The following SHROOM4 variants were observed in gnomAD, a reference collection of about 807,000 sequenced individuals.
SHROOM4 encodes protein Shroom4.
A neutral mutation model predicts 80.3 loss-of-function variants in SHROOM4; 17 were observed. The observed-to-expected ratio is 0.21, with a 90% CI of 0.14 to 0.32. The LOEUF is 0.32. Among genes scored for constraint, SHROOM4 ranks in the 10% least tolerant of loss-of-function variants. SHROOM4 has a pLI of 1.00. For synonymous variants in SHROOM4, 400 were observed against 437.5 expected, an observed-to-expected ratio of 0.91 and a Z score of 1.07; for missense variants, 993 against 1,140.3, an observed-to-expected ratio of 0.87 and a Z score of 1.86.
In SHROOM4 at chrX:50,633,532, C is replaced by T. The variant is rs782395031; in HGVS notation, c.2541G>A (p.Met847Ile). Residue 847 changes from methionine (M) to isoleucine (I), a missense_variant, in exon 4 of 9, where the codon ATG (methionine) becomes ATA (isoleucine). Coordinates refer to ENST00000376020, the MANE Select transcript of SHROOM4 (RefSeq NM_020717.5). ...YHATDQSYHS[M>I]SPLQSETPTY... ...TGGGAGTTTCTGACTGAAGGGGTGA[C>T]ATGGAATGATATGATTGGTCTGTGG... The T allele has an allele frequency of 8.3e-7, 1 of 1,209,475 alleles. No homozygotes were observed. Among genetic ancestry groups the T allele is most frequent in the African/African-American group, 1.8e-5 (1 of 56,940 alleles).
chrX:50,704,785 G>A (rs1278888310), intron 1 of SHROOM4, among the ~76,000 whole-genome samples: 1 of 110,670 alleles, frequency 9.0e-6, no homozygotes, highest in Non-Finnish European at 1.9e-5. Context: ...AGGGAGAGGG[G>A]GTTTGTTTTC....
At chrX:50,604,520 T>A (rs1381280900) in intron 6 of SHROOM4, among the ~76,000 whole-genome samples, 1 of 111,945 alleles carries the variant, frequency 8.9e-6, no homozygotes, top group Non-Finnish European at 1.9e-5. Context: ...GGAGTATATC[T>A]ATGTTAGCAG....
intron 1 of SHROOM4, among the ~76,000 whole-genome samples, chrX:50,751,424 T>C (rs1557268039): frequency 1.8e-5 from 2 of 112,252 alleles, no homozygotes; most frequent in Non-Finnish European, 3.8e-5. Context: ...AAATGGTGTT[T>C]CTCTATCACT....
chrX:50,628,115 G>T (rs1930885227), intron 4 of SHROOM4, among the ~76,000 whole-genome samples: 1 of 111,719 alleles, frequency 9.0e-6, no homozygotes, highest in African/African-American at 3.3e-5. Context: ...ACCCTTGAGG[G>T]GGGCTTTGAG....
chrX:50,771,734 A>C (rs782284069), intron 1 of SHROOM4, among the ~76,000 whole-genome samples: 2 of 112,486 alleles, frequency 1.8e-5, no homozygotes, highest in Non-Finnish European at 3.8e-5. Context: ...TTTTCTATAA[A>C]TATCTCTTAG....
chrX:50,786,677 A>T (rs782412553), intron 1 of SHROOM4, among the ~76,000 whole-genome samples: 1 of 111,775 alleles, frequency 8.9e-6, no homozygotes, highest in East Asian at 2.8e-4. Context: ...GTATAAGGCT[A>T]GGCCATGAAG....
intron 1 of SHROOM4, among the ~76,000 whole-genome samples, chrX:50,737,663 C>A (rs1175979931): frequency 1.8e-5 from 2 of 110,987 alleles, no homozygotes; most frequent in African/African-American, 6.6e-5. Flanking sequence ...CAATAACAGG[C>A]TCTGAAATTG....
At chrX:50,712,864 G>A (rs782603069) in intron 1 of SHROOM4, among the ~76,000 whole-genome samples, 1 of 111,321 alleles carries the variant, frequency 9.0e-6, no homozygotes, top group Non-Finnish European at 1.9e-5. Flanking sequence ...TCCCCTTGAT[G>A]CGTATCCCAT....
chrX:50,580,220 T>C, the SHROOM4 span, among the ~76,000 whole-genome samples: 145 of 112,096 alleles, frequency 1.3e-3, no homozygotes, highest in Non-Finnish European at 2.1e-3. Flanking sequence ...CCGACTTGAG[T>C]GTACATCAGA....
At chrX:50,583,730 T>C (rs1176291252), downstream of SHROOM4, among the ~76,000 whole-genome samples, 1 of 111,095 alleles carries the variant, frequency 9.0e-6, no homozygotes, top group Admixed American at 9.6e-5. Context: ...AGCAGTGCCC[T>C]CAGCTCTATG....
rs781816433 is a variant in SHROOM4, at chrX:50,738,912, G to A, written c.118-42975C>T. 5.4e-5 allele frequency among the ~76,000 whole-genome samples: 6 copies of A among 111,414 alleles called. No individual in the cohort carries two copies. The South Asian group carries it at 1.5e-3, about 28-fold the overall frequency. ...AAAAGAACAAAGCTGGAGGCATCAC[G>A]CTACCTGACTTCAAACCATACTGCA... On this transcript the variant is annotated intron_variant, in intron 1 of 8. Coordinates refer to ENST00000376020, the MANE Select transcript of SHROOM4 (RefSeq NM_020717.5).
chrX:50,703,043 A>T (rs1278684934), intron 1 of SHROOM4, among the ~76,000 whole-genome samples: 2 of 111,940 alleles, frequency 1.8e-5, no homozygotes, highest in Non-Finnish European at 3.8e-5. Flanking sequence ...TTAAAACGTT[A>T]GCCTTCACAA....
At chrX:50,809,760 C>T (rs1286945437) in intron 1 of SHROOM4, among the ~76,000 whole-genome samples, 1 of 111,976 alleles carries the variant, frequency 8.9e-6, no homozygotes, top group Non-Finnish European at 1.9e-5. Context: ...AATATGTTAG[C>T]ATGAGCCTAC....
intron 2 of SHROOM4, among the ~76,000 whole-genome samples, chrX:50,661,936 A>C (rs1055436968): frequency 1.8e-5 from 2 of 111,410 alleles, no homozygotes; most frequent in Admixed American, 1.9e-4. Flanking sequence ...ATAGAATAAG[A>C]AAATGAGGCT....
At chrX:50,625,254 T>C (rs1327504789) in intron 5 of SHROOM4, among the ~76,000 whole-genome samples, 1 of 112,198 alleles carries the variant, frequency 8.9e-6, no homozygotes, top group Non-Finnish European at 1.9e-5. Flanking sequence ...TAGCCAGAAA[T>C]TGGAAACAAC....
chrX:50,743,176 C>T (rs1934703523), intron 1 of SHROOM4, among the ~76,000 whole-genome samples: 1 of 107,253 alleles, frequency 9.3e-6, no homozygotes, highest in Admixed American at 1.0e-4. Context: ...ACGAGATTCT[C>T]CAGACTCATG....
intron 2 of SHROOM4, among the ~76,000 whole-genome samples, chrX:50,693,365 G>A (rs1199648117): frequency 2.7e-5 from 3 of 110,086 alleles, no homozygotes; most frequent in Non-Finnish European, 5.7e-5. Flanking sequence ...TCCGAAGTTC[G>A]CAACCAGCCT....
chrX:50,577,450 T>C, the SHROOM4 span, among the ~76,000 whole-genome samples: 1 of 112,290 alleles, frequency 8.9e-6, no homozygotes, highest in African/African-American at 3.2e-5. Flanking sequence ...GAGATTTTAA[T>C]AGGCACTGAA....
At chrX:50,611,005 C>T (rs1929946828) in intron 5 of SHROOM4, among the ~76,000 whole-genome samples, 1 of 110,801 alleles carries the variant, frequency 9.0e-6, no homozygotes, top group African/African-American at 3.3e-5. Context: ...CTGAAACAGA[C>T]TGTATTTTTT....
Sources: gnomAD v4.1 joint callset for allele counts (sites outside exome capture counted in the v4.1 genomes callset) on GRCh38, gnomAD v4.1.1 for gene constraint, MANE v1.5 for transcripts, NCBI Gene and HGNC (gene_info 2026-07-23, HGNC 2026-07-21) for gene names.